Variants in MAP3K13 observed in about 807,000 individuals in gnomAD.
The protein encoded by MAP3K13 is mitogen-activated protein kinase kinase kinase 13, also known as leucine zipper-bearing kinase.
In MAP3K13, 52 loss-of-function variants were observed where a neutral mutation model predicts 104.0. The ratio of observed to expected loss-of-function variants is 0.50; its 90% confidence interval spans 0.40 to 0.63. MAP3K13 has a LOEUF of 0.63. Among genes scored for constraint, MAP3K13 ranks in the 20% least tolerant of loss-of-function variants. The probability of loss-of-function intolerance (pLI) is 0.00; values close to 1 mark genes in which losing one functional copy is unlikely to be tolerated. For missense variants in MAP3K13, 914 were observed against 1,218.5 expected (o/e 0.75, Z 3.72); for synonymous variants, 394 against 442.2 (o/e 0.89, Z 1.37).
At chr3:185,356,335 C>T (rs1244483399) in intron 2 of MAP3K13, among the ~76,000 whole-genome samples, 1 of 152,156 alleles carries the variant, frequency 6.6e-6, no homozygotes, top group Non-Finnish European at 1.5e-5. Flanking sequence ...AATAAGTACT[C>T]TTTTGGCTGC....
chr3:185,283,202 A>T (rs1720369258), intron 1 of MAP3K13: 1 of 152,362 alleles, frequency 6.6e-6, no homozygotes, highest in Non-Finnish European at 1.5e-5. Flanking sequence ...GGATATGGAG[A>T]ACTCTTGGGA....
intron 4 of MAP3K13, among the ~76,000 whole-genome samples, chr3:185,446,303 T>C (rs2076439857): frequency 6.6e-6 from 1 of 151,624 alleles, no homozygotes; most frequent in Non-Finnish European, 1.5e-5. Context: ...TCGCCCAGGC[T>C]GTAGTGCAGT....
intron 11 of MAP3K13, among the ~76,000 whole-genome samples, chr3:185,475,038 G>A (rs1718030636): frequency 6.7e-6 from 1 of 149,084 alleles, no homozygotes; most frequent in Admixed American, 6.8e-5. Flanking sequence ...AGGCTGCAGT[G>A]AGCCGAGATC....
chr3:185,460,268 A>ATGTCTCTTCTATCTTAACTAAGCTC (rs1254451547), intron 7 of MAP3K13, among the ~76,000 whole-genome samples: 2 of 152,144 alleles, frequency 1.3e-5, no homozygotes, highest in Non-Finnish European at 2.9e-5. Context: ...CACAAATGTA[A>ATGTCTCTTCTATCTTAACTAAGCTC]TGTCTCTTCT....
intron 6 of MAP3K13, 24 bp from the exon 7 acceptor site, chr3:185,451,263 A>C (rs1323399361): frequency 6.5e-7 from 1 of 1,535,632 alleles, no homozygotes; most frequent in African/African-American, 1.4e-5. Context: ...TCTGAAATGC[A>C]CAAACTGTCT....
chr3:185,336,840 T>C (rs1258412098), intron 2 of MAP3K13, among the ~76,000 whole-genome samples: 5 of 152,046 alleles, frequency 3.3e-5, no homozygotes, highest in Non-Finnish European at 7.3e-5. Flanking sequence ...AATATATGTG[T>C]GTTTATGTCT....
rs1560067546 is a variant in MAP3K13, at chr3:185,365,888, TCC to T, written c.-86+2523_-86+2524del. Among the ~76,000 whole-genome samples the T allele has an allele frequency of 3.2e-3, 65 of 20,032 alleles. 2 individuals are homozygous for T. Among genetic ancestry groups the T allele is most frequent in the African/African-American group, 0.014 (63 of 4,610 alleles). 13.1% of individuals were successfully genotyped at this position (20,032 alleles called of 152,430 possible). On this transcript the variant is annotated intron_variant, in intron 1 of 13. Transcript: ENST00000265026. ...TCCCCTCCCCTCCCCTCCCCTCCCC[TCC>T]CCTCCCCTCCCCTCCCCTCTCTTCC...
At chr3:185,414,138 C>T (rs572283287) in intron 1 of MAP3K13, among the ~76,000 whole-genome samples, 3 of 152,324 alleles carry the variant, frequency 2.0e-5, no homozygotes, top group Admixed American at 1.3e-4. Flanking sequence ...TTTAGCCTAT[C>T]TGTGCCCCAA....
intron 1 of MAP3K13, among the ~76,000 whole-genome samples, chr3:185,389,849 TAAAG>T (rs1711935018): frequency 6.6e-6 from 1 of 152,166 alleles, no homozygotes; most frequent in African/African-American, 2.4e-5. Context: ...TACAGTAACA[TAAAG>T]AACATTTTCT....
intron 2 of MAP3K13, among the ~76,000 whole-genome samples, chr3:185,335,690 CTAAT>C (rs1379077125): frequency 1.3e-5 from 2 of 152,226 alleles, no homozygotes; most frequent in East Asian, 3.9e-4. Context: ...TAAATCATCT[CTAAT>C]TATTTATAAT....
At chr3:185,347,271 C>A (rs761876988) in intron 2 of MAP3K13, among the ~76,000 whole-genome samples, 7 of 152,210 alleles carry the variant, frequency 4.6e-5, no homozygotes, top group Non-Finnish European at 1.0e-4. Context: ...AGGCATGAAC[C>A]ACTGCACCTG....
chr3:185,383,747 A>G (rs1462309816), intron 1 of MAP3K13, among the ~76,000 whole-genome samples: 1 of 152,152 alleles, frequency 6.6e-6, no homozygotes, highest in Non-Finnish European at 1.5e-5. Context: ...TTTTCTTTAT[A>G]AATTACCCAG....
chr3:185,439,823 A>G (rs1181411920), intron 3 of MAP3K13, among the ~76,000 whole-genome samples: 2 of 152,162 alleles, frequency 1.3e-5, no homozygotes, highest in African/African-American at 4.8e-5. Context: ...GCTAGTGCCC[A>G]ACTCTTTAGG....
At chr3:185,413,271 C>T (rs533615509) in intron 1 of MAP3K13, among the ~76,000 whole-genome samples, 5 of 152,272 alleles carry the variant, frequency 3.3e-5, no homozygotes, top group African/African-American at 7.2e-5. Context: ...TTAATCCTTA[C>T]AACAGACCAA....
chr3:185,331,769 G>T (rs893917747), intron 2 of MAP3K13, among the ~76,000 whole-genome samples: 4 of 152,062 alleles, frequency 2.6e-5, no homozygotes, highest in South Asian at 4.1e-4. Context: ...CCCATTCAGG[G>T]TCCCCAAACC....
chr3:185,454,976 TG>T lies in MAP3K13; in HGVS notation c.1278+3582del, dbSNP rs1204082019. The stretch of plus-strand genomic sequence containing the variant: ...ATGATATATATATGAGATATATATA[TG>T]ATATATATGAGATATATATGATATA... On this transcript the variant is annotated intron_variant, in intron 7 of 13. Coordinates refer to ENST00000265026, the MANE Select transcript of MAP3K13 (RefSeq NM_004721.5). 1.4e-3 allele frequency among the ~76,000 whole-genome samples: 76 copies of T among 55,120 alleles called. 1 individual carries two copies. The highest frequency in any genetic ancestry group is 1.7e-3 in the African/African-American group (34 of 19,702). The allele number at this position is 55,120 out of a possible 152,430, so 36.2% of individuals were successfully genotyped here.
chr3:185,448,592 T>C lies in MAP3K13; in HGVS notation c.1010+645T>C, dbSNP rs369284624. ...AATAATAGCACATGTCAAAATTGCA[T>C]GTAATACCAGAGCAAATAGGAAAAA... On this transcript the variant is annotated intron_variant, in intron 5 of 13. Transcript: ENST00000265026. 3.3e-4 allele frequency among the ~76,000 whole-genome samples: 50 copies of C among 152,364 alleles called. No individual in the cohort carries two copies. The East Asian group carries it at 7.5e-3, about 23-fold the overall frequency.
At chr3:185,415,573 A>ATTTTTTTTTTTTT (rs34633048) in intron 1 of MAP3K13, among the ~76,000 whole-genome samples, 1 of 119,452 alleles carries the variant, frequency 8.4e-6, no homozygotes. Context: ...AGAAGGGTTA[A>ATTTTTTTTTTTTT]TTTCTTTTTT....
intron 2 of MAP3K13, among the ~76,000 whole-genome samples, chr3:185,312,918 TA>T (rs1017582377): frequency 6.6e-6 from 1 of 152,004 alleles, no homozygotes; most frequent in Admixed American, 6.6e-5. Context: ...AATTTCATAA[TA>T]AAAATAATAA....
Sources: allele counts gnomAD v4.1 joint callset (sites outside exome capture counted in the v4.1 genomes callset), GRCh38; gene constraint gnomAD v4.1.1; transcripts MANE v1.5; gene names NCBI Gene and HGNC (gene_info 2026-07-23, HGNC 2026-07-21).